Variants in KCNIP4 observed in about 807,000 individuals in gnomAD.
The protein encoded by KCNIP4 is Kv channel-interacting protein 4.
KCNIP4 carries 12 observed loss-of-function variants against 34.0 expected under a neutral mutation model. The observed-to-expected ratio is 0.35, with a 90% CI of 0.23 to 0.57. The LOEUF is 0.57. Ranked by LOEUF, KCNIP4 falls within the 20% of genes least tolerant of loss-of-function variation. The pLI is 0.83. For missense variants in KCNIP4, 238 were observed against 311.7 expected (o/e 0.76, Z 1.78); for synonymous variants, 124 against 102.2 (o/e 1.21, Z -1.29).
intron 3 of KCNIP4, among the ~76,000 whole-genome samples, chr4:20,760,457 GAGTC>G (rs1754864817): frequency 6.6e-6 from 1 of 152,076 alleles, no homozygotes. Context: ...TTATTCCAGT[GAGTC>G]AGTTACTCAA....
chr4:21,420,174 G>A (rs552260097), intron 1 of KCNIP4, among the ~76,000 whole-genome samples: 3 of 152,030 alleles, frequency 2.0e-5, no homozygotes, highest in African/African-American at 7.3e-5. Context: ...CAAAATATTA[G>A]CATTACTAAG....
At chr4:21,086,038 C>A (rs529570243) in intron 1 of KCNIP4, among the ~76,000 whole-genome samples, 1 of 152,082 alleles carries the variant, frequency 6.6e-6, no homozygotes, top group African/African-American at 2.4e-5. Context: ...TGGACTGGAA[C>A]GTGGATATGG....
At position 21,234,067 on chromosome 4, in the gene KCNIP4, C is replaced by CATAT. The variant is rs1395068846; in HGVS notation, c.62-351359_62-351358insATAT. On this transcript the variant is annotated intron_variant, in intron 1 of 8. Coordinates refer to ENST00000382152, the MANE Select transcript of KCNIP4 (RefSeq NM_025221.6). ...CATATATAACACATAACATATATAA[C>CATAT]ATAACATAACATATAACGTATATTA... Among the ~76,000 whole-genome samples, 18 of 104,214 alleles carry CATAT rather than the reference C, an allele frequency of 1.7e-4. 4 individuals carry two copies. Among genetic ancestry groups the CATAT allele is most frequent in the African/African-American group, 8.1e-4 (15 of 18,582 alleles). The allele number at this position is 104,214 out of a possible 152,430, so 68.4% of individuals were successfully genotyped here.
chr4:21,551,931 A>G (rs909727971), intron 1 of KCNIP4, among the ~76,000 whole-genome samples: 1 of 151,858 alleles, frequency 6.6e-6, no homozygotes, highest in African/African-American at 2.4e-5. Context: ...ACTCCAAGCA[A>G]GTTTTTCCCC....
chr4:21,266,377 C>T (rs1445313520), intron 1 of KCNIP4, among the ~76,000 whole-genome samples: 1 of 150,604 alleles, frequency 6.6e-6, no homozygotes, highest in Non-Finnish European at 1.5e-5. Context: ...ACAAATTATT[C>T]CTTAAAAACA....
At chr4:21,379,727 C>G (rs1382752555) in intron 1 of KCNIP4, among the ~76,000 whole-genome samples, 2 of 152,148 alleles carry the variant, frequency 1.3e-5, no homozygotes, top group African/African-American at 4.8e-5. Context: ...GAAACAGTTC[C>G]TGTATTAGCC....
At chr4:20,963,482 TTTC>T (rs1734053541) in intron 1 of KCNIP4, among the ~76,000 whole-genome samples, 1 of 152,174 alleles carries the variant, frequency 6.6e-6, no homozygotes, top group Non-Finnish European at 1.5e-5. Context: ...GCTATATGTA[TTTC>T]TTCAAGTTAA....
intron 8 of KCNIP4, 75 bp from the exon 9 acceptor site, chr4:20,730,204 T>G: frequency 6.7e-7 from 1 of 1,496,054 alleles, no homozygotes. Context: ...CCCCTGAGTA[T>G]TGCCTCCTCC....
At chr4:21,184,201 C>A (rs1190718716) in intron 1 of KCNIP4, among the ~76,000 whole-genome samples, 1 of 152,000 alleles carries the variant, frequency 6.6e-6, no homozygotes, top group Non-Finnish European at 1.5e-5. Flanking sequence ...AAAAATAGTA[C>A]CTGCCTCATA....
At position 21,777,411 on chromosome 4, in the gene KCNIP4, A is replaced by T. The variant is rs115312574; in HGVS notation, c.61+171160T>A. Among the ~76,000 whole-genome samples the T allele has an allele frequency of 4.1e-3, 630 of 152,290 alleles. 4 individuals are homozygous for T. The highest frequency in any genetic ancestry group is 0.017 in the Middle Eastern group (5 of 294). On this transcript the variant is annotated intron_variant, in intron 1 of 8. Transcript: ENST00000382152. ...GTGTTCACTGTAATATACAATAATC[A>T]CTAAAGCACCTTCATATGGTGCCAC...
At chr4:21,269,450 G>A (rs1434056654) in intron 1 of KCNIP4, among the ~76,000 whole-genome samples, 2 of 152,038 alleles carry the variant, frequency 1.3e-5, no homozygotes, top group African/African-American at 2.4e-5. Context: ...CCAATGTCCA[G>A]GTTGGAGTGC....
At chr4:21,829,778 A>G (rs1167236617) in intron 1 of KCNIP4, among the ~76,000 whole-genome samples, 1 of 152,090 alleles carries the variant, frequency 6.6e-6, no homozygotes, top group Non-Finnish European at 1.5e-5. Context: ...AAGTTCTATA[A>G]AACAACCAGA....
At chr4:21,901,563 G>C (rs1390865056) in intron 1 of KCNIP4, among the ~76,000 whole-genome samples, 2 of 152,130 alleles carry the variant, frequency 1.3e-5, no homozygotes, top group African/African-American at 4.8e-5. Context: ...GAGGTAAAGT[G>C]GGGGCTGGAA....
chr4:21,642,792 T>C (rs908970412), intron 1 of KCNIP4, among the ~76,000 whole-genome samples: 2 of 152,124 alleles, frequency 1.3e-5, no homozygotes, highest in African/African-American at 2.4e-5. Flanking sequence ...GCTGGGATAA[T>C]TGATACTGAC....
At chr4:20,861,704 T>C (rs988639446) in intron 2 of KCNIP4, among the ~76,000 whole-genome samples, 2 of 152,140 alleles carry the variant, frequency 1.3e-5, no homozygotes, top group African/African-American at 2.4e-5. Flanking sequence ...GGCAATGACA[T>C]TGCAATTTCC....
chr4:20,839,497 T>C (rs62293726), intron 3 of KCNIP4, among the ~76,000 whole-genome samples: 1 of 116,350 alleles, frequency 8.6e-6, no homozygotes, highest in Non-Finnish European at 2.0e-5. Flanking sequence ...ATCTATATTA[T>C]ATATATATAT....
intron 1 of KCNIP4, among the ~76,000 whole-genome samples, chr4:21,076,290 A>G (rs1326230660): frequency 6.6e-6 from 1 of 152,038 alleles, no homozygotes; most frequent in Non-Finnish European, 1.5e-5. Context: ...TCAGAATCTT[A>G]TCAATATCCT....
At chr4:20,900,620 C>G (rs904588638) in intron 1 of KCNIP4, among the ~76,000 whole-genome samples, 1 of 152,114 alleles carries the variant, frequency 6.6e-6, no homozygotes, top group Non-Finnish European at 1.5e-5. Context: ...CTTTCTGTCC[C>G]TGGGAGACAA....
intron 1 of KCNIP4, among the ~76,000 whole-genome samples, chr4:21,413,408 C>T (rs908947988): frequency 2.6e-5 from 4 of 152,094 alleles, no homozygotes; most frequent in African/African-American, 9.7e-5. Context: ...TTGCTTAAAC[C>T]TAATTGAGTT....
Sources: gnomAD v4.1 joint callset for allele counts (sites outside exome capture counted in the v4.1 genomes callset) on GRCh38, gnomAD v4.1.1 for gene constraint, MANE v1.5 for transcripts, NCBI Gene and HGNC (gene_info 2026-07-23, HGNC 2026-07-21) for gene names.